The following GREM2 variants were observed in gnomAD, a reference collection of about 807,000 sequenced individuals.
GREM2 encodes gremlin-2.
GREM2 carries 11 observed loss-of-function variants against 14.2 expected under a neutral mutation model. The observed-to-expected ratio is 0.78, with a 90% CI of 0.49 to 1.28. The LOEUF (loss-of-function observed/expected upper bound fraction) is 1.28, where lower values mean the gene tolerates loss of function less well. Ranked by LOEUF, GREM2 falls within the 50% of genes most tolerant of loss-of-function variation. GREM2 has a pLI of 0.00. For missense variants in GREM2, 210 were observed against 218.5 expected, an observed-to-expected ratio of 0.96 and a Z score of 0.24; for synonymous variants, 98 against 97.6, an observed-to-expected ratio of 1.00 and a Z score of -0.02.
chr1:240,524,785 T>C (rs1678185239), intron 1 of GREM2, among the ~76,000 whole-genome samples: 1 of 152,264 alleles, frequency 6.6e-6, no homozygotes, highest in Admixed American at 6.5e-5. Context: ...CCTACCATGG[T>C]TTTCTGAACT....
At chr1:240,563,232 AGT>A (rs372381241) in intron 1 of GREM2, among the ~76,000 whole-genome samples, 38 of 150,248 alleles carry the variant, frequency 2.5e-4, no homozygotes, top group African/African-American at 7.0e-4. Flanking sequence ...TGTGCGTGAG[AGT>A]GTGTGTGTAT....
At chr1:240,604,260 G>T (rs961002580) in intron 1 of GREM2, among the ~76,000 whole-genome samples, 6 of 151,898 alleles carry the variant, frequency 4.0e-5, no homozygotes, top group Admixed American at 2.0e-4. Context: ...AACATGTGAT[G>T]TGGAGGGGAC....
At chr1:240,549,722 G>GC (rs1476437130) in intron 1 of GREM2, 5 of 152,242 alleles carry the variant, frequency 3.3e-5, no homozygotes, top group East Asian at 3.9e-4. Context: ...CAGTGAGAAA[G>GC]ATGTGGCTCT....
At chr1:240,532,666 T>C (rs575378697) in intron 1 of GREM2, among the ~76,000 whole-genome samples, 2 of 149,476 alleles carry the variant, frequency 1.3e-5, no homozygotes, top group Non-Finnish European at 3.0e-5. Context: ...GATAGATAGA[T>C]AGATAGATAG....
intron 1 of GREM2, among the ~76,000 whole-genome samples, chr1:240,569,887 A>G (rs1679227950): frequency 6.6e-6 from 1 of 151,434 alleles, no homozygotes; most frequent in Non-Finnish European, 1.5e-5. Flanking sequence ...ACTAATACAC[A>G]TAGTTTATTG....
intron 1 of GREM2, among the ~76,000 whole-genome samples, chr1:240,565,917 A>G (rs896892383): frequency 1.3e-5 from 2 of 151,992 alleles, no homozygotes; most frequent in Non-Finnish European, 2.9e-5. Context: ...CATAAACTCA[A>G]TTATTTTACA....
intron 1 of GREM2, among the ~76,000 whole-genome samples, chr1:240,590,943 G>C (rs546080422): frequency 6.6e-6 from 1 of 151,594 alleles, no homozygotes; most frequent in Admixed American, 6.6e-5. Flanking sequence ...CTCCATGCCC[G>C]GCTAATTTTT....
chr1:240,585,693 G>A (rs1679584308), intron 1 of GREM2, among the ~76,000 whole-genome samples: 1 of 125,802 alleles, frequency 7.9e-6, no homozygotes, highest in African/African-American at 2.9e-5. Context: ...TCATGCCACT[G>A]TATTACAGCC....
chr1:240,587,262 GC>G (rs1215401029), intron 1 of GREM2, among the ~76,000 whole-genome samples: 5 of 151,684 alleles, frequency 3.3e-5, no homozygotes, highest in Non-Finnish European at 7.4e-5. Flanking sequence ...ATATAGACAT[GC>G]TTTTAAAAAA....
chr1:240,605,869 T>C (rs1176829153), intron 1 of GREM2, among the ~76,000 whole-genome samples: 1 of 152,044 alleles, frequency 6.6e-6, no homozygotes, highest in Non-Finnish European at 1.5e-5. Context: ...CCTATCAAAA[T>C]TGTTGATTTA....
At chr1:240,563,810 T>A (rs753131624) in intron 1 of GREM2, among the ~76,000 whole-genome samples, 1 of 152,198 alleles carries the variant, frequency 6.6e-6, no homozygotes, top group South Asian at 2.1e-4. Context: ...CCTGGTTAAA[T>A]AAAACCTATA....
Position 240,555,069 on chromosome 1 carries a change from C to T in GREM2, c.-2+56815G>A, listed in dbSNP as rs543538115. ...CTGAGACAAGAGAATCACTTGAACC[C>T]GGGAGGCATGGGTTGCAGTGAGCTG... On this transcript the variant is annotated intron_variant, in intron 1 of 1. Coordinates refer to ENST00000318160, the MANE Select transcript of GREM2 (RefSeq NM_022469.4). 2.6e-3 allele frequency among the ~76,000 whole-genome samples: 389 copies of T among 151,922 alleles called. 2 individuals carry two copies. Among genetic ancestry groups the T allele is most frequent in the African/African-American group, 8.8e-3 (364 of 41,422 alleles).
chr1:240,496,967 G>A lies in GREM2; in HGVS notation c.-1-3491C>T, dbSNP rs148900389. ...ACCCGGGAGGCAGAGGTTGCAGTGA[G>A]CCAAGATCATGCCATTGCACTCCAG... On this transcript the variant is annotated intron_variant, in intron 1 of 1. Transcript: ENST00000318160. Among the ~76,000 whole-genome samples the A allele has an allele frequency of 9.1e-3, 1,380 of 152,090 alleles. 22 individuals are homozygous for A. The highest frequency in any genetic ancestry group is 0.031 in the African/African-American group (1,302 of 41,458).
chr1:240,492,982 G>C lies in GREM2; in HGVS notation c.494C>G (p.Ser165Trp). Residue 165 changes from serine to tryptophan, a missense_variant, in exon 2 of 2, where the codon TCG becomes TGG. Coordinates refer to ENST00000318160, the MANE Select transcript of GREM2 (RefSeq NM_022469.4). ...CCGGCCCGGCGCTCACTGCTTGTCC[G>C]AGTCGCTCAGGTTCACGGACATGCA... ...CRCMSVNLSD[S>W]DKQ 1 of 1,543,776 alleles carries C rather than the reference G, an allele frequency of 6.5e-7. No individual in the cohort carries two copies. The highest frequency in any genetic ancestry group is 8.8e-7 in the Non-Finnish European group (1 of 1,139,770).
chr1:240,608,500 T>C (rs764349806), intron 1 of GREM2, among the ~76,000 whole-genome samples: 13 of 152,190 alleles, frequency 8.5e-5, no homozygotes, highest in Admixed American at 6.5e-4. Context: ...TAGTTTTCCA[T>C]AGATGATAAG....
intron 1 of GREM2, among the ~76,000 whole-genome samples, chr1:240,586,168 C>T (rs1679596467): frequency 6.6e-6 from 1 of 152,098 alleles, no homozygotes; most frequent in Admixed American, 6.5e-5. Flanking sequence ...AAGATTACTA[C>T]ATAGTGACAA....
At chr1:240,562,346 T>G (rs147675519) in intron 1 of GREM2, among the ~76,000 whole-genome samples, 1 of 152,286 alleles carries the variant, frequency 6.6e-6, no homozygotes, top group East Asian at 1.9e-4. Flanking sequence ...ACTAAAGTCC[T>G]TTTACCTTGT....
chr1:240,576,065 T>A (rs1226526552), intron 1 of GREM2, among the ~76,000 whole-genome samples: 2 of 152,160 alleles, frequency 1.3e-5, no homozygotes, highest in Non-Finnish European at 2.9e-5. Flanking sequence ...ACTTTAAAAA[T>A]ATTTTTTCCA....
chr1:240,537,457 A>C (rs1056077483), intron 1 of GREM2, among the ~76,000 whole-genome samples: 33 of 152,048 alleles, frequency 2.2e-4, no homozygotes, highest in Non-Finnish European at 3.4e-4. Flanking sequence ...CAGCACTGAC[A>C]AAAAAAGAGG....
Sources: allele counts gnomAD v4.1 joint callset (sites outside exome capture counted in the v4.1 genomes callset), GRCh38; gene constraint gnomAD v4.1.1; transcripts MANE v1.5; gene names NCBI Gene and HGNC (gene_info 2026-07-23, HGNC 2026-07-21).